The following LRP1B variants were observed in gnomAD, a reference collection of about 807,000 sequenced individuals.
The protein encoded by LRP1B is LDL receptor related protein 1B.
Under a neutral mutation model 556.6 loss-of-function variants are expected in LRP1B, and 217 were observed. That is an observed-to-expected ratio of 0.39 (90% confidence interval 0.35 to 0.44). The LOEUF is 0.44. Ranked by LOEUF, LRP1B falls within the 20% of genes least tolerant of loss-of-function variation. The pLI is 1.00. For missense variants in LRP1B, 5,053 were observed against 5,620.8 expected (o/e 0.90, Z 3.23); for synonymous variants, 2,047 against 1,865.8 (o/e 1.10, Z -2.50).
At chr2:141,200,533 C>G (rs1251975034) in intron 6 of LRP1B, among the ~76,000 whole-genome samples, 1 of 152,140 alleles carries the variant, frequency 6.6e-6, no homozygotes, top group East Asian at 1.9e-4. Flanking sequence ...TCTCTTCATT[C>G]AAGTATCTGC....
Position 140,956,753 on chromosome 2 carries a change from CA to C in LRP1B, c.2888-4814del, listed in dbSNP as rs149595366. On this transcript the variant is annotated intron_variant, in intron 18 of 90. Transcript: ENST00000389484. ...TATATACCAAGTATAATGCCACATA[CA>C]AAAAACAAGGCTTTGCGGGCAGGTA... Among the ~76,000 whole-genome samples, 498 of 151,746 alleles carry C rather than the reference CA, an allele frequency of 3.3e-3. 4 individuals carry two copies. The highest frequency in any genetic ancestry group is 0.011 in the African/African-American group (458 of 41,504).
chr2:141,025,898 A>G (rs1347872295), intron 11 of LRP1B, among the ~76,000 whole-genome samples: 3 of 152,098 alleles, frequency 2.0e-5, no homozygotes, highest in African/African-American at 4.8e-5. Flanking sequence ...TGAAAAGTAT[A>G]TATTTCAGAG....
chr2:140,963,278 C>T (rs1696092966), intron 18 of LRP1B, among the ~76,000 whole-genome samples: 1 of 151,546 alleles, frequency 6.6e-6, no homozygotes, highest in South Asian at 2.1e-4. Context: ...AACATATATT[C>T]CCACTTGAGA....
At chr2:141,225,074 A>G (rs978045761) in intron 6 of LRP1B, among the ~76,000 whole-genome samples, 84 of 152,306 alleles carry the variant, frequency 5.5e-4, no homozygotes, top group Non-Finnish European at 2.6e-4. Flanking sequence ...ATAGAACGTA[A>G]TTTAAAGTTG....
intron 43 of LRP1B, among the ~76,000 whole-genome samples, chr2:140,591,840 A>C (rs1328459922): frequency 1.3e-5 from 2 of 152,190 alleles, no homozygotes; most frequent in Non-Finnish European, 2.9e-5. Context: ...TTTTTCAGGG[A>C]CCATAACTTC....
Position 140,700,570 on chromosome 2 carries a change from T to C in LRP1B, c.6479A>G (p.Tyr2160Cys). ...DNGGCKQLCL[Y>C]RGNSRRTCAC... Reference sequence around the variant, plus strand: ...ACAAGTTCTCCGGGAATTTCCTCGATAAAGACAGAGTTGCTTACAGCCACC... The same window carrying C: ...ACAAGTTCTCCGGGAATTTCCTCGACAAAGACAGAGTTGCTTACAGCCACC... The change falls in exon 41 of 91, where the codon TAT (tyrosine) becomes TGT (cysteine). Residue 2160 changes from tyrosine to cysteine, a missense_variant. Coordinates refer to ENST00000389484, the MANE Select transcript of LRP1B (RefSeq NM_018557.3). 1 of 1,613,564 alleles carries C rather than the reference T, an allele frequency of 6.2e-7. No homozygotes were observed. The highest frequency in any genetic ancestry group is 8.5e-7 in the Non-Finnish European group (1 of 1,179,642).
chr2:142,033,282 C>G (rs1703768542), intron 1 of LRP1B, among the ~76,000 whole-genome samples: 2 of 151,626 alleles, frequency 1.3e-5, no homozygotes, highest in South Asian at 4.2e-4. Context: ...TTACATTACC[C>G]CAGAAAATGA....
intron 87 of LRP1B, 115 bp from the exon 88 acceptor site, chr2:140,239,647 C>T (rs1206012570): frequency 3.6e-6 from 2 of 560,496 alleles, no homozygotes; most frequent in South Asian, 3.3e-5. Flanking sequence ...AAAAGCTTAG[C>T]CCAAATGTTT....
chr2:140,657,160 C>G (rs1684907780), intron 41 of LRP1B, among the ~76,000 whole-genome samples: 1 of 151,800 alleles, frequency 6.6e-6, no homozygotes, highest in Non-Finnish European at 1.5e-5. Context: ...ATACACATCC[C>G]TTTTGGTAAA....
intron 2 of LRP1B, among the ~76,000 whole-genome samples, chr2:141,548,753 T>C (rs930916560): frequency 3.9e-5 from 6 of 152,184 alleles, no homozygotes; most frequent in African/African-American, 1.4e-4. Flanking sequence ...GTATAAATCC[T>C]GCTTAATGAC....
chr2:141,058,920 C>G lies in LRP1B; in HGVS notation c.1371G>C (p.Trp457Cys), dbSNP rs2105462636. 6.3e-7 allele frequency: 1 copy of G among 1,597,274 alleles called. No homozygotes were observed. The highest frequency in any genetic ancestry group is 1.4e-5 in the African/African-American group (1 of 74,056). ...IHSLIKIENA[W>C]GIRIYQKRTQ... The stretch of plus-strand genomic sequence containing the variant: ...TTCTTTTTTGATAAATTCGGATTCC[C>G]CAAGCATTCTCAATTTTAATTAATG... Residue 457 changes from tryptophan to cysteine, a missense_variant, in exon 9 of 91, where the codon TGG becomes TGC. By Grantham distance (215) the Trp-to-Cys change is radical. This residue lies in a region of LRP1B where 3,619 missense variants were observed against 3,931.9 expected (regional missense o/e 0.92). Transcript: ENST00000389484.
At chr2:140,724,478 C>G (rs531721193) in intron 35 of LRP1B, among the ~76,000 whole-genome samples, 1 of 152,074 alleles carries the variant, frequency 6.6e-6, no homozygotes, top group East Asian at 1.9e-4. Flanking sequence ...CTATTAAACC[C>G]TATTCCATAT....
chr2:141,126,807 C>T (rs981684555), intron 7 of LRP1B, among the ~76,000 whole-genome samples: 1 of 152,096 alleles, frequency 6.6e-6, no homozygotes, highest in South Asian at 2.1e-4. Flanking sequence ...CTCAGGTTCC[C>T]TAGTACCTCA....
chr2:142,006,211 T>A (rs1052142894), intron 1 of LRP1B, among the ~76,000 whole-genome samples: 6 of 152,170 alleles, frequency 3.9e-5, no homozygotes, highest in African/African-American at 1.4e-4. Context: ...ACCAGGATTA[T>A]TCACATCCTG....
intron 67 of LRP1B, among the ~76,000 whole-genome samples, chr2:140,384,764 C>A (rs1449155653): frequency 6.6e-6 from 1 of 152,076 alleles, no homozygotes; most frequent in Admixed American, 6.6e-5. Flanking sequence ...TAGTCTTCTG[C>A]GTCTGGGGAA....
chr2:141,951,987 TC>T (rs1701118607), intron 1 of LRP1B, among the ~76,000 whole-genome samples: 1 of 85,894 alleles, frequency 1.2e-5, no homozygotes, highest in Non-Finnish European at 2.2e-5. Context: ...ATGCTATCCC[TC>T]CCCCCTCCCC....
intron 2 of LRP1B, among the ~76,000 whole-genome samples, chr2:141,789,383 C>G (rs6723600): frequency 6.6e-6 from 1 of 151,990 alleles, no homozygotes; most frequent in South Asian, 2.1e-4. Flanking sequence ...TCAACCACAA[C>G]GCCAACAGCA....
chr2:140,387,678 A>G (rs1454559791), intron 66 of LRP1B, among the ~76,000 whole-genome samples: 1 of 151,612 alleles, frequency 6.6e-6, no homozygotes, highest in Admixed American at 6.6e-5. Flanking sequence ...GCTTTATATT[A>G]TGTCCACTTT....
At chr2:141,005,713 G>A (rs559736211) in intron 14 of LRP1B, among the ~76,000 whole-genome samples, 3 of 152,074 alleles carry the variant, frequency 2.0e-5, no homozygotes, top group Admixed American at 6.6e-5. Context: ...GGTGAGAGAA[G>A]AGAAAGAACA....
Sources: allele counts gnomAD v4.1 joint callset (sites outside exome capture counted in the v4.1 genomes callset), GRCh38; gene constraint gnomAD v4.1.1; regional missense constraint gnomAD v4.1.1; transcripts MANE v1.5; gene names NCBI Gene and HGNC (gene_info 2026-07-23, HGNC 2026-07-21).